Variants in MAGI1 observed in about 807,000 individuals in gnomAD.
The protein encoded by MAGI1 is membrane associated guanylate kinase, WW and PDZ domain containing 1.
In MAGI1, 58 loss-of-function variants were observed where a neutral mutation model predicts 139.9. The observed-to-expected ratio is 0.41, with a 90% confidence interval of 0.34 to 0.52. The LOEUF is 0.52. Ranked by LOEUF, MAGI1 falls within the 20% of genes least tolerant of loss-of-function variation. The pLI is 0.12. For synonymous variants in MAGI1, 812 were observed against 737.9 expected, an observed-to-expected ratio of 1.10 and a Z score of -1.63; for missense variants, 1,874 against 1,901.6, an observed-to-expected ratio of 0.99 and a Z score of 0.27.
intron 12 of MAGI1, among the ~76,000 whole-genome samples, chr3:65,417,363 T>C (rs985862785): frequency 6.6e-6 from 1 of 152,100 alleles, no homozygotes; most frequent in Non-Finnish European, 1.5e-5. Context: ...AGGATGCTAA[T>C]CATAATAATA....
At chr3:65,543,711 T>C (rs1039271183) in intron 2 of MAGI1, among the ~76,000 whole-genome samples, 1 of 150,804 alleles carries the variant, frequency 6.6e-6, no homozygotes, top group African/African-American at 2.4e-5. Flanking sequence ...TGAGAATACA[T>C]GGACACAGAG....
At chr3:65,749,895 A>G (rs1283605052) in intron 1 of MAGI1, among the ~76,000 whole-genome samples, 1 of 152,106 alleles carries the variant, frequency 6.6e-6, no homozygotes, top group Non-Finnish European at 1.5e-5. Context: ...CCCAAGCAAG[A>G]TCCAGATGAT....
intron 1 of MAGI1, among the ~76,000 whole-genome samples, chr3:65,957,370 A>T (rs944484003): frequency 2.7e-5 from 4 of 149,154 alleles, no homozygotes; most frequent in Non-Finnish European, 3.0e-5. Flanking sequence ...AAAAAAAAAA[A>T]TTTAGCTGAG....
intron 5 of MAGI1, among the ~76,000 whole-genome samples, chr3:65,466,841 C>T (rs1950204881): frequency 1.3e-5 from 2 of 152,346 alleles, no homozygotes; most frequent in South Asian, 2.1e-4. Context: ...AGGGAGGTTT[C>T]AGCTCCTAGT....
chr3:65,775,777 A>G (rs2038367639), intron 1 of MAGI1, among the ~76,000 whole-genome samples: 1 of 151,894 alleles, frequency 6.6e-6, no homozygotes, highest in Non-Finnish European at 1.5e-5. Context: ...CCATGTCTCT[A>G]CCAAAAATAT....
intron 1 of MAGI1, among the ~76,000 whole-genome samples, chr3:65,911,585 A>G (rs1037333130): frequency 5.9e-5 from 9 of 152,124 alleles, no homozygotes; most frequent in African/African-American, 1.9e-4. Flanking sequence ...CATGCTTATT[A>G]AAGTCATTCT....
rs545186925 is a variant in MAGI1 at position 65,556,913 on chromosome 3, C to T, written c.431-63282G>A. ...TATATGATTCCAGACTTGTTCTGCT[C>T]AATCCGTACTGGCCTTCGTTCACTG... On this transcript the variant is annotated intron_variant, in intron 2 of 22. Coordinates refer to ENST00000402939, the MANE Select transcript of MAGI1 (RefSeq NM_001033057.2). Among the ~76,000 whole-genome samples the T allele has an allele frequency of 9.2e-5, 14 of 152,302 alleles. No individual in the cohort carries two copies. In the East Asian group the frequency reaches 2.7e-3, roughly 29 times the overall value.
At chr3:65,991,767 C>T (rs561667327) in intron 1 of MAGI1, among the ~76,000 whole-genome samples, 1 of 152,332 alleles carries the variant, frequency 6.6e-6, no homozygotes, top group Admixed American at 6.5e-5. Context: ...GTAATCCCAG[C>T]ACTTTGAGAG....
chr3:65,507,201 T>A (rs977256568), intron 2 of MAGI1, among the ~76,000 whole-genome samples: 4 of 152,362 alleles, frequency 2.6e-5, no homozygotes, highest in Admixed American at 2.6e-4. Flanking sequence ...GTAAAATTTC[T>A]AGCCACACAG....
chr3:65,452,178 A>G (rs1452476052), intron 6 of MAGI1, among the ~76,000 whole-genome samples: 1 of 152,148 alleles, frequency 6.6e-6, no homozygotes, highest in Non-Finnish European at 1.5e-5. Flanking sequence ...CTCCTAAGTT[A>G]GAAGGACTTT....
chr3:65,392,437 A>G (rs1299936601), intron 13 of MAGI1, among the ~76,000 whole-genome samples: 3 of 152,172 alleles, frequency 2.0e-5, no homozygotes, highest in Non-Finnish European at 4.4e-5. Flanking sequence ...AAAGCATTGT[A>G]TGGGGTAGAG....
intron 2 of MAGI1, among the ~76,000 whole-genome samples, chr3:65,570,773 T>C (rs1173365756): frequency 6.6e-6 from 1 of 152,196 alleles, no homozygotes; most frequent in African/African-American, 2.4e-5. Context: ...AAAATCCAGA[T>C]CATGTTACAT....
At chr3:65,679,078 GGACA>G (rs2087394093) in intron 1 of MAGI1, among the ~76,000 whole-genome samples, 1 of 152,084 alleles carries the variant, frequency 6.6e-6, no homozygotes, top group African/African-American at 2.4e-5. Flanking sequence ...GCATATCTTT[GGACA>G]GACAAAGCAA....
At chr3:65,420,805 T>C (rs1376499999) in intron 12 of MAGI1, among the ~76,000 whole-genome samples, 1 of 152,194 alleles carries the variant, frequency 6.6e-6, no homozygotes, top group Non-Finnish European at 1.5e-5. Context: ...TAATAAATAA[T>C]GCATATAAGT....
intron 1 of MAGI1, among the ~76,000 whole-genome samples, chr3:65,651,589 G>C (rs1241543075): frequency 6.6e-6 from 1 of 152,072 alleles, no homozygotes; most frequent in Admixed American, 6.6e-5. Context: ...GCATCCACCA[G>C]ACAATGAAGT....
At chr3:65,804,369 T>C (rs2040707977) in intron 1 of MAGI1, among the ~76,000 whole-genome samples, 1 of 151,694 alleles carries the variant, frequency 6.6e-6, no homozygotes, top group African/African-American at 2.4e-5. Context: ...AATGTATTTA[T>C]ATCAATAAAT....
At chr3:65,894,250 G>C (rs2060881466) in intron 1 of MAGI1, among the ~76,000 whole-genome samples, 1 of 152,162 alleles carries the variant, frequency 6.6e-6, no homozygotes, top group South Asian at 2.1e-4. Flanking sequence ...GAAAATGGAA[G>C]TTCAGAAAGG....
At chr3:65,953,391 A>G (rs994387256) in intron 1 of MAGI1, among the ~76,000 whole-genome samples, 10 of 152,154 alleles carry the variant, frequency 6.6e-5, no homozygotes, top group Non-Finnish European at 1.0e-4. Flanking sequence ...AAAATATGCT[A>G]CAGGAGAATC....
chr3:65,479,770 A>AT (rs900186051), intron 3 of MAGI1, among the ~76,000 whole-genome samples: 1 of 152,118 alleles, frequency 6.6e-6, no homozygotes, highest in Non-Finnish European at 1.5e-5. Context: ...AAAGTAAGCT[A>AT]TTTTTTTAAA....
Sources: allele counts gnomAD v4.1 joint callset (sites outside exome capture counted in the v4.1 genomes callset), GRCh38; gene constraint gnomAD v4.1.1; transcripts MANE v1.5; gene names NCBI Gene and HGNC (gene_info 2026-07-23, HGNC 2026-07-21).